Variants in COPB1 observed in about 807,000 individuals in gnomAD.
COPB1 encodes coatomer subunit beta.
COPB1 carries 21 observed loss-of-function variants against 108.7 expected under a neutral mutation model. The observed-to-expected ratio is 0.19, with a 90% confidence interval of 0.14 to 0.28. The LOEUF is 0.28. COPB1 is among the 10% of genes least tolerant of loss of function. The probability of loss-of-function intolerance (pLI) is 1.00; values close to 1 mark genes in which losing one functional copy is unlikely to be tolerated. For synonymous variants in COPB1, 378 were observed against 386.8 expected (o/e 0.98, Z 0.27); for missense variants, 919 against 1,141.3 (o/e 0.81, Z 2.81).
intron 19 of COPB1, among the ~76,000 whole-genome samples, chr11:14,460,899 A>G (rs1850131858): frequency 6.6e-6 from 1 of 152,202 alleles, no homozygotes; most frequent in South Asian, 2.1e-4. Context: ...GCACTAGATT[A>G]AATGGTAAGC....
At chr11:14,482,416 TA>T (rs1218898963) in intron 8 of COPB1, among the ~76,000 whole-genome samples, 1 of 152,216 alleles carries the variant, frequency 6.6e-6, no homozygotes, top group East Asian at 1.9e-4. Flanking sequence ...ATTGGTATAA[TA>T]ATTTTCCACG....
At chr11:14,494,528 G>A (rs1162613019) in intron 2 of COPB1, 89 bp from the exon 3 acceptor site, 7 of 750,014 alleles carry the variant, frequency 9.3e-6, no homozygotes, top group Admixed American at 2.8e-5. Context: ...AAAATAAAAT[G>A]TACCTTCTTA....
intron 2 of COPB1, chr11:14,494,676 T>C: frequency 2.7e-6 from 1 of 367,012 alleles, no homozygotes; most frequent in East Asian, 4.5e-5. Flanking sequence ...ATGAAGGCGC[T>C]GGATTAGATT....
chr11:14,469,227 C>T, intron 15 of COPB1, 109 bp downstream of exon 15: 1 of 881,610 alleles, frequency 1.1e-6, no homozygotes, highest in Non-Finnish European at 1.9e-6. Context: ...AAACACCTGG[C>T]CCCAAGGAGT....
In COPB1 at chr11:14,458,697, A is replaced by T; in HGVS notation, c.2647-10T>A. The stretch of plus-strand genomic sequence containing the variant: ...AGTAACCAGAAAGGGCCTGGAAAAA[A>T]TTTGTGATAAATTCATTACTTTACC... On this transcript the variant is annotated splice_polypyrimidine_tract_variant and intron_variant, in intron 20 of 21. Coordinates refer to ENST00000439561, the MANE Select transcript of COPB1 (RefSeq NM_001144061.2). The T allele has an allele frequency of 1.2e-6, 2 of 1,608,420 alleles. No individual in the cohort carries two copies. The highest frequency in any genetic ancestry group is 1.1e-5 in the South Asian group (1 of 90,256).
Position 14,498,992 on chromosome 11 carries a change from AAATAAACACAGACAT to A in COPB1, c.-57-22_-57-8del. On this transcript the variant is annotated splice_region_variant and splice_polypyrimidine_tract_variant and intron_variant, in intron 1 of 21. Coordinates refer to ENST00000439561, the MANE Select transcript of COPB1 (RefSeq NM_001144061.2). ...TTTAAGGATGCCAGAAAATCTAGAAAAATAAACACAGACATATCATTACAAATTAAAAAAAAAAAA... is the reference window on the plus strand; with the variant it reads ...TTTAAGGATGCCAGAAAATCTAGAAAATCATTACAAATTAAAAAAAAAAAA... The A allele has an allele frequency of 7.6e-7, 1 of 1,314,194 alleles. No homozygotes were observed. Among genetic ancestry groups the A allele is most frequent in the Non-Finnish European group, 1.1e-6 (1 of 944,636 alleles). 81.4% of individuals were successfully genotyped at this position (1,314,194 alleles called of 1,614,324 possible).
chr11:14,458,730 T>C, intron 20 of COPB1, 43 bp from the exon 21 acceptor site: 2 of 1,525,988 alleles, frequency 1.3e-6, no homozygotes, highest in Non-Finnish European at 1.8e-6. Context: ...ACCAGATACC[T>C]ACATAGAGGC....
intron 8 of COPB1, 74 bp from the exon 9 acceptor site, chr11:14,481,171 G>C: frequency 9.2e-7 from 1 of 1,083,692 alleles, no homozygotes; most frequent in Non-Finnish European, 1.4e-6. Context: ...ACTGCAGAAT[G>C]GTGGGGTTTA....
At chr11:14,492,776 T>C (rs1253784145) in intron 4 of COPB1, among the ~76,000 whole-genome samples, 1 of 152,232 alleles carries the variant, frequency 6.6e-6, no homozygotes, top group Non-Finnish European at 1.5e-5. Context: ...TTGTAGTCCT[T>C]AATAAATTGA....
intron 11 of COPB1, among the ~76,000 whole-genome samples, chr11:14,477,394 A>AAAAAAAAAAAAAAAAC (rs1850548874): frequency 7.0e-6 from 1 of 143,710 alleles, no homozygotes; most frequent in Non-Finnish European, 1.5e-5. Flanking sequence ...CGTCTCAAAA[A>AAAAAAAAAAAAAAAAC]AAAAAAAAAA....
At chr11:14,489,392 G>GA (rs1390985785) in intron 5 of COPB1, among the ~76,000 whole-genome samples, 4 of 152,164 alleles carry the variant, frequency 2.6e-5, no homozygotes, top group Non-Finnish European at 5.9e-5. Flanking sequence ...CAAAATAACA[G>GA]AAAGCAAAGT....
chr11:14,476,929 G>C lies in COPB1; in HGVS notation c.1445C>G (p.Ser482Cys). 1.2e-6 allele frequency: 2 copies of C among 1,602,930 alleles called. No individual in the cohort carries two copies. The highest frequency in any genetic ancestry group is 1.7e-6 in the Non-Finnish European group (2 of 1,170,054). Residue 482 changes from serine to cysteine, a missense_variant, in exon 12 of 22, where the codon TCC becomes TGC. Transcript: ENST00000439561. ...IQSVMTEIRR[S>C]LGEIPIVESE... Reference sequence around the variant, plus strand: ...TAAAGTAAAACATACCTCTCCAAGGGACCTGCGGATCTCAGTCATCACACT... The same window carrying C: ...TAAAGTAAAACATACCTCTCCAAGGCACCTGCGGATCTCAGTCATCACACT...
intron 19 of COPB1, among the ~76,000 whole-genome samples, chr11:14,460,779 C>T (rs564563627): frequency 2.0e-5 from 3 of 152,174 alleles, no homozygotes; most frequent in Non-Finnish European, 4.4e-5. Context: ...GCTGGGATTA[C>T]AGGCACGAGC....
intron 11 of COPB1, among the ~76,000 whole-genome samples, chr11:14,478,253 G>A (rs1850572830): frequency 6.6e-6 from 1 of 151,656 alleles, no homozygotes; most frequent in South Asian, 2.1e-4. Context: ...AGGCAAATTT[G>A]GCTTAATCTC....
intron 4 of COPB1, among the ~76,000 whole-genome samples, chr11:14,491,204 C>T (rs1166536742): frequency 6.6e-6 from 1 of 152,006 alleles, no homozygotes; most frequent in African/African-American, 2.4e-5. Flanking sequence ...GCCACCATGC[C>T]AGGCTAATTT....
At chr11:14,480,248 A>C (rs1027130830) in intron 10 of COPB1, among the ~76,000 whole-genome samples, 1 of 152,238 alleles carries the variant, frequency 6.6e-6, no homozygotes, top group African/African-American at 2.4e-5. Flanking sequence ...TAAGCTAGAG[A>C]TCCAAAACTC....
At position 14,498,921 on chromosome 11, in the gene COPB1, G is replaced by A. The variant is rs1313971137; in HGVS notation, c.8C>T (p.Ala3Val). The stretch of plus-strand genomic sequence containing the variant: ...TAACGTGTAGCATACGTTCTCAGCC[G>A]CCGTCATGGTTTCTGGTTATATTAT... The part of the protein sequence containing the change: MT[A>V]AENVCYTLIN... The change falls in exon 2 of 22, where the codon GCG (alanine) becomes GTG (valine). Residue 3 changes from alanine to valine, a missense_variant. Around this residue, in one of 5 missense-constraint regions of COPB1, gnomAD observed 92 missense variants for 108.4 expected, o/e 0.85. Transcript: ENST00000439561. The A allele has an allele frequency of 1.9e-6, 3 of 1,605,012 alleles. No individual in the cohort carries two copies. Among genetic ancestry groups the A allele is most frequent in the East Asian group, 2.2e-5 (1 of 44,708 alleles).
At chr11:14,484,655 T>C (rs182097493) in intron 7 of COPB1, among the ~76,000 whole-genome samples, 478 of 152,192 alleles carry the variant, frequency 3.1e-3, no homozygotes, top group Non-Finnish European at 5.4e-3. Flanking sequence ...GAGGCGGAGG[T>C]TGCAGTGAGC....
chr11:14,469,612 T>C, intron 14 of COPB1, 49 bp from the exon 15 acceptor site: 3 of 1,432,488 alleles, frequency 2.1e-6, no homozygotes, highest in Non-Finnish European at 2.9e-6. Flanking sequence ...ATTCTCAGAT[T>C]GCAATCATGT....
Sources: allele counts gnomAD v4.1 joint callset (sites outside exome capture counted in the v4.1 genomes callset), GRCh38; gene constraint gnomAD v4.1.1; regional missense constraint gnomAD v4.1.1; transcripts MANE v1.5; gene names NCBI Gene and HGNC (gene_info 2026-07-23, HGNC 2026-07-21).